ERAP1: variants seen among roughly 807,000 people sequenced by gnomAD.
ERAP1 encodes adipocyte-derived leucine aminopeptidase.
In ERAP1, 86 loss-of-function variants were observed where a neutral mutation model predicts 103.7. The ratio of observed to expected loss-of-function variants is 0.83; its 90% confidence interval spans 0.70 to 0.99. The LOEUF (loss-of-function observed/expected upper bound fraction) is 0.99, where lower values mean the gene tolerates loss of function less well. Ranked by LOEUF, ERAP1 falls within the 50% of genes least tolerant of loss-of-function variation. The probability of loss-of-function intolerance (pLI) is 0.00; values close to 1 mark genes in which losing one functional copy is unlikely to be tolerated. For missense variants in ERAP1, 1,009 were observed against 1,128.4 expected (o/e 0.89, Z 1.52); for synonymous variants, 398 against 402.4 (o/e 0.99, Z 0.13).
At chr5:96,913,142 C>G in the ERAP1 span, among the ~76,000 whole-genome samples, 11 of 151,814 alleles carry the variant, frequency 7.2e-5, no homozygotes, top group African/African-American at 2.4e-4. Context: ...TTGATAGGAA[C>G]AAAATAAAAA....
At chr5:96,762,606 ATAT>A (rs533452057) in exon 20 of ERAP1, 28 of 422,066 alleles carry the variant, frequency 6.6e-5, no homozygotes, top group Non-Finnish European at 8.8e-5. Flanking sequence ...AAGGACCTTA[ATAT>A]TATTGTTGCT....
At chr5:96,896,770 T>C in the ERAP1 span, 2 of 1,511,188 alleles carry the variant, frequency 1.3e-6, no homozygotes, top group Non-Finnish European at 1.8e-6. Context: ...ATTTTCTGGG[T>C]GAGGAGAAAT....
At chr5:96,776,879 G>GT (rs901481501) in intron 18 of ERAP1, 7 of 244,594 alleles carry the variant, frequency 2.9e-5, no homozygotes, top group Non-Finnish European at 5.6e-5. Flanking sequence ...TGCAAACTTC[G>GT]TTTTTTAAAA....
chr5:96,813,010 T>C (rs1455359764), upstream of ERAP1, among the ~76,000 whole-genome samples: 1 of 152,212 alleles, frequency 6.6e-6, no homozygotes, highest in African/African-American at 2.4e-5. Flanking sequence ...CCTTATCTCA[T>C]TTAAACTTAT....
the ERAP1 span, among the ~76,000 whole-genome samples, chr5:96,921,152 C>G: frequency 6.6e-6 from 1 of 152,254 alleles, no homozygotes; most frequent in African/African-American, 2.4e-5. Flanking sequence ...GTCCCCAGCA[C>G]TCTCGAAGGC....
chr5:96,765,177 A>G, intron 19 of ERAP1: 1 of 1,116,962 alleles, frequency 9.0e-7, no homozygotes, highest in Non-Finnish European at 1.4e-6. Context: ...CCTCTGATAC[A>G]GTTTGGCTAA....
chr5:96,916,840 G>A, the ERAP1 span, among the ~76,000 whole-genome samples: 1 of 150,848 alleles, frequency 6.6e-6, no homozygotes, highest in Non-Finnish European at 1.5e-5. Flanking sequence ...TTACCCTTTA[G>A]GCAAATTCAG....
the ERAP1 span, among the ~76,000 whole-genome samples, chr5:96,925,306 C>T: frequency 6.6e-6 from 1 of 152,098 alleles, no homozygotes; most frequent in Non-Finnish European, 1.5e-5. Flanking sequence ...GGTACTTGTC[C>T]TCATTTTACA....
the ERAP1 span, among the ~76,000 whole-genome samples, chr5:96,841,236 T>A: frequency 6.6e-6 from 1 of 152,146 alleles, no homozygotes; most frequent in Non-Finnish European, 1.5e-5. Context: ...GGCTGCCCAG[T>A]TTAAAAAATT....
intron 19 of ERAP1, among the ~76,000 whole-genome samples, chr5:96,764,329 A>G (rs1025067231): frequency 1.3e-5 from 2 of 152,204 alleles, no homozygotes; most frequent in African/African-American, 4.8e-5. Context: ...GGCCAAGGAA[A>G]CTGAAGCTGA....
At chr5:96,846,073 C>T in the ERAP1 span, among the ~76,000 whole-genome samples, 1 of 151,380 alleles carries the variant, frequency 6.6e-6, no homozygotes, top group African/African-American at 2.4e-5. Context: ...CTAATTCAGT[C>T]GTAAAAAACA....
Position 96,774,889 on chromosome 5 carries a change from TAGGGGA to T in ERAP1, c.*1501_*1506del. On this transcript the variant is annotated 3_prime_UTR_variant, in exon 19 of 19. Coordinates refer to ENST00000443439, the MANE Select transcript of ERAP1 (RefSeq NM_001040458.3). ...GAAGTCACTCTATTTTGTCGTGTAT[TAGGGGA>T]ACACATTTTGACATTTTTCGTACCA... 3 of 985,038 alleles carry T rather than the reference TAGGGGA, an allele frequency of 3.0e-6. No homozygotes were observed. The highest frequency in any genetic ancestry group is 3.6e-6 in the Non-Finnish European group (3 of 829,622). The allele number at this position is 985,038 out of a possible 1,614,324, so 61.0% of individuals were successfully genotyped here.
the ERAP1 span, among the ~76,000 whole-genome samples, chr5:96,858,217 C>CTTTTT: frequency 2.9e-5 from 4 of 137,126 alleles, no homozygotes; most frequent in Admixed American, 2.2e-4. Context: ...TGTTCTTCTT[C>CTTTTT]TTTTTTTTTT....
At position 96,780,556 on chromosome 5, in the gene ERAP1, A is replaced by G. The variant is rs1475823894; in HGVS notation, c.2589-52T>C. The G allele has an allele frequency of 9.9e-6, 14 of 1,419,614 alleles. No homozygotes were observed. In the Admixed American group the frequency reaches 2.0e-4, roughly 20 times the overall value. The allele number at this position is 1,419,614 out of a possible 1,614,324, so 87.9% of individuals were successfully genotyped here. ...GTTGTGAAATACTTATTCATTTAAC[A>G]TATATTTTAAGGGCCTCCTATATAT... On this transcript the variant is annotated intron_variant, in intron 17 of 18. Transcript: ENST00000443439.
the ERAP1 span, among the ~76,000 whole-genome samples, chr5:96,841,783 A>T: frequency 2.5e-4 from 8 of 31,680 alleles, no homozygotes; most frequent in East Asian, 1.0e-3. Context: ...TACTCATTTT[A>T]CTCTTAAAAT....
upstream of ERAP1, chr5:96,807,955 G>A (rs920915606): frequency 2.5e-4 from 242 of 985,862 alleles, no homozygotes; most frequent in African/African-American, 5.2e-4. Context: ...TGGAGCCCGG[G>A]GAGCGGCAGG....
downstream of ERAP1, among the ~76,000 whole-genome samples, chr5:96,770,831 T>C (rs1772035036): frequency 6.6e-6 from 1 of 152,174 alleles, no homozygotes; most frequent in Non-Finnish European, 1.5e-5. Flanking sequence ...CACAACCCAA[T>C]TTGCCTGTGT....
chr5:96,801,099 TG>T (rs1777941083), intron 2 of ERAP1, 99 bp from the exon 3 acceptor site: 1 of 1,336,286 alleles, frequency 7.5e-7, no homozygotes, highest in African/African-American at 1.5e-5. Context: ...ATAAGATTGA[TG>T]GATTTTGCTA....
chr5:96,771,937 A>T, downstream of ERAP1: 1 of 341,804 alleles, frequency 2.9e-6, no homozygotes, highest in Non-Finnish European at 5.3e-6. Context: ...AAAAGCTTTT[A>T]AAAATATTAG....
Sources: allele counts gnomAD v4.1 joint callset (sites outside exome capture counted in the v4.1 genomes callset), GRCh38; gene constraint gnomAD v4.1.1; transcripts MANE v1.5; gene names NCBI Gene and HGNC (gene_info 2026-07-23, HGNC 2026-07-21).